The following TMEM108 variants were observed in gnomAD, a reference collection of about 807,000 sequenced individuals.
The protein encoded by TMEM108 is transmembrane protein 108.
A neutral mutation model predicts 35.1 loss-of-function variants in TMEM108; 12 were observed. That is an observed-to-expected ratio of 0.34 (90% CI 0.22 to 0.55). The LOEUF (loss-of-function observed/expected upper bound fraction) is 0.55, where lower values mean the gene tolerates loss of function less well. Among genes scored for constraint, TMEM108 ranks in the 20% least tolerant of loss-of-function variants. The probability of loss-of-function intolerance (pLI) is 0.89; values close to 1 mark genes in which losing one functional copy is unlikely to be tolerated. For synonymous variants in TMEM108, 287 were observed against 308.6 expected (o/e 0.93, Z 0.73); for missense variants, 680 against 753.3 (o/e 0.90, Z 1.14).
chr3:133,204,519 T>A (rs1945721448), intron 2 of TMEM108, among the ~76,000 whole-genome samples: 1 of 152,216 alleles, frequency 6.6e-6, no homozygotes, highest in South Asian at 2.1e-4. Context: ...CTCATTGGTT[T>A]CAAAGAATTT....
intron 3 of TMEM108, among the ~76,000 whole-genome samples, chr3:133,318,341 C>G (rs1249501375): frequency 6.6e-6 from 1 of 152,170 alleles, no homozygotes; most frequent in Admixed American, 6.5e-5. Flanking sequence ...TGGTTTACAT[C>G]TCAAGGATAT....
At chr3:133,332,082 G>GCACA (rs66877804) in intron 3 of TMEM108, among the ~76,000 whole-genome samples, 4,838 of 150,998 alleles carry the variant, frequency 0.032, 264 homozygotes, top group African/African-American at 0.11. Flanking sequence ...GTGCGCACGT[G>GCACA]CACACACACA....
intron 2 of TMEM108, among the ~76,000 whole-genome samples, chr3:133,137,319 A>T (rs1222888903): frequency 6.6e-6 from 1 of 152,202 alleles, no homozygotes; most frequent in Non-Finnish European, 1.5e-5. Flanking sequence ...TTGTTGGCAA[A>T]ATCTATACCA....
chr3:133,061,452 A>T (rs1559819824), intron 2 of TMEM108, among the ~76,000 whole-genome samples: 1 of 151,758 alleles, frequency 6.6e-6, no homozygotes, highest in Non-Finnish European at 1.5e-5. Flanking sequence ...TGACCTCGTG[A>T]TCCTCCCGCC....
chr3:133,081,037 T>C (rs1170999470), intron 2 of TMEM108, among the ~76,000 whole-genome samples: 1 of 149,970 alleles, frequency 6.7e-6, no homozygotes, highest in Admixed American at 6.7e-5. Context: ...ACATAACAAC[T>C]TCTCGGATAT....
At chr3:133,280,477 A>G (rs1257776851) in intron 3 of TMEM108, among the ~76,000 whole-genome samples, 4 of 152,188 alleles carry the variant, frequency 2.6e-5, no homozygotes, top group African/African-American at 9.7e-5. Flanking sequence ...CCATTTTCCC[A>G]TTCCCTTCAA....
At chr3:133,390,133 C>T (rs2073212688) in intron 4 of TMEM108, 47 bp from the exon 5 acceptor site, 2 of 1,609,814 alleles carry the variant, frequency 1.2e-6, no homozygotes, top group Admixed American at 1.7e-5. Context: ...ACCCAGGCAC[C>T]ATCCTTGCTG....
intron 3 of TMEM108, among the ~76,000 whole-genome samples, chr3:133,344,654 CAGT>C (rs1229500412): frequency 6.6e-6 from 1 of 151,564 alleles, no homozygotes; most frequent in Non-Finnish European, 1.5e-5. Flanking sequence ...ATGAATTATC[CAGT>C]AGTTGATTGG....
intron 2 of TMEM108, among the ~76,000 whole-genome samples, chr3:133,203,151 A>G (rs1945696840): frequency 2.0e-5 from 3 of 152,162 alleles, no homozygotes; most frequent in Admixed American, 1.3e-4. Flanking sequence ...TTGTATCCTG[A>G]GACTTTGCTG....
chr3:133,330,231 A>G (rs1370669289), intron 3 of TMEM108, among the ~76,000 whole-genome samples: 2 of 152,218 alleles, frequency 1.3e-5, no homozygotes, highest in African/African-American at 2.4e-5. Flanking sequence ...CCTGTGGTGC[A>G]GTAGCTGCTG....
At chr3:133,233,058 A>G (rs1196627504) in intron 3 of TMEM108, among the ~76,000 whole-genome samples, 5 of 148,874 alleles carry the variant, frequency 3.4e-5, no homozygotes, top group Non-Finnish European at 5.9e-5. Flanking sequence ...TTATTATTAT[A>G]CTTTAAGTTT....
In TMEM108 at chr3:133,187,883, C is replaced by CAAAAAAAA. The variant is rs34894272; in HGVS notation, c.-46-41372_-46-41365dup. 1.8e-4 allele frequency among the ~76,000 whole-genome samples: 23 copies of CAAAAAAAA among 127,332 alleles called. 1 individual carries two copies. In the South Asian group the frequency reaches 4.2e-3, roughly 23 times the overall value. The allele number at this position is 127,332 out of a possible 152,430, so 83.5% of individuals were successfully genotyped here. A position where few individuals can be genotyped will look rare whatever the true frequency, so the allele number is the denominator to read the frequency against. Reference sequence around the variant, plus strand: ...ATGCATATCAGAGTAACGGTTGCTGCAAAAAAAAAAAAAAAAAAGACAGGA... The same window carrying CAAAAAAAA: ...ATGCATATCAGAGTAACGGTTGCTGCAAAAAAAAAAAAAAAAAAAAAAAAAAGACAGGA... On this transcript the variant is annotated intron_variant, in intron 2 of 5. Coordinates refer to ENST00000321871, the MANE Select transcript of TMEM108 (RefSeq NM_023943.4).
chr3:133,352,915 G>C (rs1469316158), intron 3 of TMEM108, among the ~76,000 whole-genome samples: 1 of 152,106 alleles, frequency 6.6e-6, no homozygotes, highest in African/African-American at 2.4e-5. Flanking sequence ...CAGAGGTCAG[G>C]GGTTCCGGCT....
Position 133,252,163 on chromosome 3 carries a change from T to G in TMEM108, c.40+22812T>G, listed in dbSNP as rs544350114. On this transcript the variant is annotated intron_variant, in intron 3 of 5. Transcript: ENST00000321871. ...ATAGACTCATGGGGGTAAATATTGC[T>G]ATTCACAGGATTGAAAAGACTGAAA... is the stretch of plus-strand genomic sequence containing the variant. Among the ~76,000 whole-genome samples, 21 of 152,260 alleles carry G rather than the reference T, an allele frequency of 1.4e-4. No homozygotes were observed. The South Asian group carries it at 4.4e-3, about 32-fold the overall frequency.
intron 2 of TMEM108, among the ~76,000 whole-genome samples, chr3:133,061,860 C>T (rs1157805381): frequency 2.0e-5 from 3 of 152,142 alleles, no homozygotes; most frequent in Non-Finnish European, 2.9e-5. Context: ...TGAGGATTTA[C>T]CCAAATATGA....
intron 3 of TMEM108, among the ~76,000 whole-genome samples, chr3:133,260,838 T>C (rs1253156379): frequency 1.3e-5 from 2 of 152,104 alleles, no homozygotes; most frequent in African/African-American, 4.8e-5. Context: ...GTGGTAGTCA[T>C]GGATATGGGG....
intron 3 of TMEM108, among the ~76,000 whole-genome samples, chr3:133,310,199 C>T (rs965897322): frequency 1.3e-5 from 2 of 152,112 alleles, no homozygotes; most frequent in Non-Finnish European, 1.5e-5. Context: ...GTGGAGAGTT[C>T]TGTAGATGTC....
At chr3:133,039,767 A>C (rs183632935) in intron 1 of TMEM108, among the ~76,000 whole-genome samples, 1 of 152,174 alleles carries the variant, frequency 6.6e-6, no homozygotes, top group Non-Finnish European at 1.5e-5. Context: ...TGAGATGGAT[A>C]AGGGTCTCTC....
chr3:133,162,555 T>C (rs1015761587), intron 2 of TMEM108, among the ~76,000 whole-genome samples: 3 of 152,226 alleles, frequency 2.0e-5, no homozygotes, highest in African/African-American at 7.2e-5. Context: ...GTGGGTTCTG[T>C]CTTCCAGAGC....
Sources: gnomAD v4.1 joint callset for allele counts (sites outside exome capture counted in the v4.1 genomes callset) on GRCh38, gnomAD v4.1.1 for gene constraint, MANE v1.5 for transcripts, NCBI Gene and HGNC (gene_info 2026-07-23, HGNC 2026-07-21) for gene names.